KIAA1217: variants seen among roughly 807,000 people sequenced by gnomAD.
KIAA1217 encodes sickle tail protein homolog.
In KIAA1217, 88 loss-of-function variants were observed where a neutral mutation model predicts 163.9. The ratio of observed to expected loss-of-function variants is 0.54; its 90% CI spans 0.45 to 0.64. The LOEUF (loss-of-function observed/expected upper bound fraction) is 0.64, where lower values mean the gene tolerates loss of function less well. Ranked by LOEUF, KIAA1217 falls within the 30% of genes least tolerant of loss-of-function variation. The pLI, the probability that KIAA1217 is intolerant of heterozygous loss-of-function variation, is 0.00. For synonymous variants in KIAA1217, 903 were observed against 923.1 expected, an observed-to-expected ratio of 0.98 and a Z score of 0.39; for missense variants, 2,372 against 2,475.0, an observed-to-expected ratio of 0.96 and a Z score of 0.88.
At chr10:24,192,325 G>A (rs1427823779) in intron 2 of KIAA1217, among the ~76,000 whole-genome samples, 1 of 152,084 alleles carries the variant, frequency 6.6e-6, no homozygotes, top group African/African-American at 2.4e-5. Context: ...GGTATAGGGA[G>A]GGCATCTCTC....
At chr10:24,370,554 C>A (rs1278129262) in intron 2 of KIAA1217, among the ~76,000 whole-genome samples, 1 of 152,138 alleles carries the variant, frequency 6.6e-6, no homozygotes, top group Non-Finnish European at 1.5e-5. Context: ...GCAGGACCAA[C>A]AAGTAAACAG....
intron 6 of KIAA1217, among the ~76,000 whole-genome samples, chr10:24,493,810 C>A (rs930881688): frequency 8.5e-5 from 13 of 152,112 alleles, no homozygotes; most frequent in African/African-American, 2.9e-4. Flanking sequence ...CTCTTTTGCC[C>A]AGTCTGTAGT....
chr10:23,809,630 CAAAT>C (rs559135179), intron 1 of KIAA1217, among the ~76,000 whole-genome samples: 87 of 151,952 alleles, frequency 5.7e-4, no homozygotes, highest in African/African-American at 2.0e-3. Context: ...AAACCTTTCA[CAAAT>C]AATCTATAAA....
chr10:24,147,499 T>C (rs117266252), intron 2 of KIAA1217, among the ~76,000 whole-genome samples: 2,351 of 152,222 alleles, frequency 0.015, 26 homozygotes, highest in Middle Eastern at 0.058. Context: ...TGTGGTAAAA[T>C]AGCCACAATG....
At chr10:24,447,859 C>T (rs762271723) in intron 5 of KIAA1217, among the ~76,000 whole-genome samples, 21 of 152,236 alleles carry the variant, frequency 1.4e-4, no homozygotes, top group East Asian at 7.7e-4. Flanking sequence ...GGGCTGAGCG[C>T]GGTGGCTCAC....
chr10:24,017,525 T>A (rs908208260), intron 2 of KIAA1217, among the ~76,000 whole-genome samples: 1 of 152,058 alleles, frequency 6.6e-6, no homozygotes, highest in Admixed American at 6.6e-5. Flanking sequence ...TAAATGCAAA[T>A]AAACCTGAAA....
intron 8 of KIAA1217, among the ~76,000 whole-genome samples, chr10:24,496,818 C>G (rs1047267757): frequency 5.3e-5 from 8 of 152,168 alleles, no homozygotes; most frequent in Non-Finnish European, 8.8e-5. Flanking sequence ...GTTCTAAAAA[C>G]TCTTGTCAAT....
At chr10:24,288,262 A>G (rs1400137273) in intron 2 of KIAA1217, among the ~76,000 whole-genome samples, 3 of 152,198 alleles carry the variant, frequency 2.0e-5, no homozygotes, top group Admixed American at 6.6e-5. Context: ...TGAAAATGTC[A>G]AAGTATCTCA....
chr10:24,095,034 G>A (rs915520383), intron 2 of KIAA1217, among the ~76,000 whole-genome samples: 11 of 152,196 alleles, frequency 7.2e-5, no homozygotes, highest in East Asian at 3.9e-4. Context: ...AGGACCCTCC[G>A]AGCCAGGTGT....
intron 1 of KIAA1217, among the ~76,000 whole-genome samples, chr10:23,901,072 A>G (rs377203347): frequency 1.3e-5 from 2 of 152,134 alleles, no homozygotes; most frequent in African/African-American, 2.4e-5. Flanking sequence ...TTTAACCACA[A>G]TAATAAGCAC....
At chr10:24,245,549 C>T (rs2073691358) in intron 2 of KIAA1217, among the ~76,000 whole-genome samples, 1 of 152,146 alleles carries the variant, frequency 6.6e-6, no homozygotes, top group African/African-American at 2.4e-5. Flanking sequence ...TGGTGATTTT[C>T]TCTCTTCAAT....
chr10:24,332,100 A>ATCAGTAGT, intron 2 of KIAA1217, among the ~76,000 whole-genome samples: 1 of 152,180 alleles, frequency 6.6e-6, no homozygotes, highest in Non-Finnish European at 1.5e-5. Context: ...GGCACGTGAT[A>ATCAGTAGT]TCAGTAGTCA....
intron 1 of KIAA1217, among the ~76,000 whole-genome samples, chr10:23,997,354 A>T (rs7071377): frequency 0.6 from 91,284 of 151,996 alleles, 27,704 homozygotes; most frequent in Middle Eastern, 0.77. Context: ...AAATGCTTTA[A>T]TTTTTTAATT....
chr10:23,897,427 A>G (rs2131233143), intron 1 of KIAA1217, among the ~76,000 whole-genome samples: 1 of 152,136 alleles, frequency 6.6e-6, no homozygotes, highest in South Asian at 2.1e-4. Context: ...TTTGGTCTGA[A>G]CTATTCTCTG....
At chr10:23,983,753 C>T (rs1456494139) in intron 1 of KIAA1217, among the ~76,000 whole-genome samples, 1 of 152,148 alleles carries the variant, frequency 6.6e-6, no homozygotes, top group Non-Finnish European at 1.5e-5. Context: ...ACCCTGTGAC[C>T]CACATGCAGA....
chr10:23,712,359 G>A (rs1479108414), intron 1 of KIAA1217, among the ~76,000 whole-genome samples: 1 of 151,634 alleles, frequency 6.6e-6, no homozygotes, highest in Non-Finnish European at 1.5e-5. Context: ...AAATAACTCA[G>A]TATGATAGTC....
intron 1 of KIAA1217, among the ~76,000 whole-genome samples, chr10:23,743,475 A>G (rs763102400): frequency 5.9e-5 from 9 of 152,210 alleles, no homozygotes; most frequent in Non-Finnish European, 1.3e-4. Flanking sequence ...GGACATTTCT[A>G]TTAAGACATT....
At chr10:24,098,724 C>CGTGTGT (rs10524680) in intron 2 of KIAA1217, among the ~76,000 whole-genome samples, 3,299 of 139,330 alleles carry the variant, frequency 0.024, 53 homozygotes, top group Middle Eastern at 0.064. Flanking sequence ...TGAAGGGGAG[C>CGTGTGT]GTGTGTGTGT....
At chr10:23,993,869 C>A (rs1213096704) in intron 1 of KIAA1217, among the ~76,000 whole-genome samples, 1 of 152,006 alleles carries the variant, frequency 6.6e-6, no homozygotes, top group Non-Finnish European at 1.5e-5. Context: ...CATGAGCAAC[C>A]GCACCCAGTC....
Sources: gnomAD v4.1 joint callset for allele counts (sites outside exome capture counted in the v4.1 genomes callset) on GRCh38, gnomAD v4.1.1 for gene constraint, MANE v1.5 for transcripts, NCBI Gene and HGNC (gene_info 2026-07-23, HGNC 2026-07-21) for gene names.